WDR93: variants seen among roughly 807,000 people sequenced by gnomAD.
WDR93 encodes WD repeat domain 93, also known as WD repeat-containing protein 93.
WDR93 carries 73 observed loss-of-function variants against 82.9 expected under a neutral mutation model. That is an observed-to-expected ratio of 0.88 (90% confidence interval 0.73 to 1.07). WDR93 has a LOEUF of 1.07. Among genes scored for constraint, WDR93 ranks in the 50% least tolerant of loss-of-function variants. The pLI is 0.00. For synonymous variants in WDR93, 283 were observed against 300.1 expected (o/e 0.94, Z 0.59); for missense variants, 738 against 826.0 (o/e 0.89, Z 1.31).
intron 12 of WDR93, among the ~76,000 whole-genome samples, chr15:89,732,050 G>A (rs1966865434): frequency 6.6e-6 from 1 of 152,188 alleles, no homozygotes; most frequent in Non-Finnish European, 1.5e-5. Flanking sequence ...TGGGTGGGTG[G>A]CACTGTGGTT....
intron 7 of WDR93, among the ~76,000 whole-genome samples, chr15:89,719,789 T>C (rs901265070): frequency 6.6e-6 from 1 of 151,950 alleles, no homozygotes; most frequent in African/African-American, 2.4e-5. Flanking sequence ...ATTTCTTTCT[T>C]TCTTTTTCTT....
intron 5 of WDR93, among the ~76,000 whole-genome samples, 182 bp downstream of exon 5, chr15:89,712,286 A>G (rs975512492): frequency 6.6e-6 from 1 of 151,880 alleles, no homozygotes; most frequent in East Asian, 1.9e-4. Context: ...AATGTTCAAC[A>G]TGGCCACACC....
At chr15:89,731,598 T>A (rs1309682994) in intron 12 of WDR93, 36 bp downstream of exon 12, 2 of 1,612,672 alleles carry the variant, frequency 1.2e-6, no homozygotes, top group Admixed American at 1.7e-5. Flanking sequence ...AGTACCTGGG[T>A]GGGACTCTGG....
intron 1 of WDR93, among the ~76,000 whole-genome samples, chr15:89,700,541 A>T (rs914257840): frequency 6.9e-6 from 1 of 143,978 alleles, no homozygotes; most frequent in African/African-American, 2.6e-5. Flanking sequence ...CCTTTTTATA[A>T]TGTACACAAT....
At chr15:89,691,870 A>T (rs1964906119) in intron 1 of WDR93, among the ~76,000 whole-genome samples, 1 of 152,216 alleles carries the variant, frequency 6.6e-6, no homozygotes, top group African/African-American at 2.4e-5. Flanking sequence ...TAAATCAAGC[A>T]ACAAATTGTA....
At position 89,701,875 on chromosome 15, in the gene WDR93, C is replaced by T. The variant is rs376601121; in HGVS notation, c.129C>T (p.Leu43=). 1.6e-5 allele frequency: 26 copies of T among 1,614,102 alleles called. No homozygotes were observed. Among genetic ancestry groups the T allele is most frequent in the Middle Eastern group, 1.6e-4 (1 of 6,084 alleles). ...AAGACGATGAACAGGATCATGTCCT[C>T]GTGGATCCAGATGAGGAGCTGGATT... The part of the protein sequence containing the change: ...WPKDDEQDHV[L]VDPDEELDSL... Residue 43 remains leucine, a synonymous_variant, in exon 2 of 17, where the codon CTC becomes CTT. Coordinates refer to ENST00000268130, the MANE Select transcript of WDR93 (RefSeq NM_020212.2).
chr15:89,734,925 C>G (rs1345219334), intron 13 of WDR93, among the ~76,000 whole-genome samples: 1 of 152,230 alleles, frequency 6.6e-6, no homozygotes, highest in African/African-American at 2.4e-5. Context: ...AGGAAACTTA[C>G]AAAGCAAACC....
intron 14 of WDR93, among the ~76,000 whole-genome samples, chr15:89,736,652 CAAG>C (rs1038875792): frequency 2.6e-5 from 4 of 152,022 alleles, no homozygotes; most frequent in African/African-American, 9.7e-5. Flanking sequence ...GCAGAAAAAC[CAAG>C]AACATGGTGG....
intron 1 of WDR93, among the ~76,000 whole-genome samples, chr15:89,691,563 C>G (rs1567089322): frequency 1.3e-5 from 2 of 151,900 alleles, no homozygotes; most frequent in Non-Finnish European, 2.9e-5. Context: ...ACTAAAAATA[C>G]AAAAAAAGTA....
In WDR93 at chr15:89,694,527, A is replaced by G. The variant is rs143736699; in HGVS notation, c.-41+3670A>G. The stretch of plus-strand genomic sequence containing the variant: ...TGGGATTACAGGCGTGAGCCACTGC[A>G]CCCGGCCGGGTTACTTCTTTTATTA... On this transcript the variant is annotated intron_variant, in intron 1 of 16. Transcript: ENST00000268130. Among the ~76,000 whole-genome samples the G allele has an allele frequency of 2.5e-3, 375 of 151,934 alleles. 6 individuals are homozygous for G. Among genetic ancestry groups the G allele is most frequent in the African/African-American group, 7.7e-3 (319 of 41,448 alleles).
rs760170946 is a variant in WDR93, at chr15:89,722,093, T to C, written c.834T>C (p.Ser278=). The C allele has an allele frequency of 3.3e-5, 53 of 1,609,466 alleles. No homozygotes were observed. The highest frequency in any genetic ancestry group is 4.1e-5 in the Non-Finnish European group (48 of 1,178,626). The change falls in exon 8 of 17, where the codon AGT becomes AGC. Residue 278 remains serine, a synonymous_variant. Transcript: ENST00000268130. ...NVSFKGDIKL[S]LPVYIMKIKP... ...GTTTTAAAGGAGACATTAAATTGAG[T>C]CTTCCAGTTTACATAATGAAGATCA...
At position 89,731,582 on chromosome 15, in the gene WDR93, C is replaced by T. The variant is rs1479214636; in HGVS notation, c.1330+20C>T. On this transcript the variant is annotated intron_variant, in intron 12 of 16. Coordinates refer to ENST00000268130, the MANE Select transcript of WDR93 (RefSeq NM_020212.2). ...CCAAAGGTAAGTCCTCCCTGCCTCT[C>T]TACCTAGTACCTGGGTGGGACTCTG... 1 of 1,613,582 alleles carries T rather than the reference C, an allele frequency of 6.2e-7. No individual in the cohort carries two copies. Among genetic ancestry groups the T allele is most frequent in the African/African-American group, 1.3e-5 (1 of 74,928 alleles).
At chr15:89,718,257 C>G (rs1445537613) in intron 7 of WDR93, among the ~76,000 whole-genome samples, 7 of 148,930 alleles carry the variant, frequency 4.7e-5, no homozygotes, top group African/African-American at 1.5e-4. Context: ...AGGTGGATCA[C>G]GAGGTCAGGA....
intron 4 of WDR93, among the ~76,000 whole-genome samples, chr15:89,711,028 G>T (rs1965950944): frequency 6.6e-6 from 1 of 152,164 alleles, no homozygotes. Flanking sequence ...TGGCTGATGG[G>T]GAAGTTTGTA....
chr15:89,701,939 A>G lies in WDR93; in HGVS notation c.193A>G (p.Asn65Asp), dbSNP rs748398112. The change falls in exon 2 of 17, where the codon AAC becomes GAC. Residue 65 changes from asparagine (N) to aspartate (D), a missense_variant. By Grantham distance (23) the Asn-to-Asp change is conservative. Transcript: ENST00000268130. ...TTATCGAATGATCAACAAGCTGGTG[A>G]ACCTTCTGTTTGACCAGTCTTGGGA... ...QPYRMINKLV[N>D]LLFDQSWEII... The G allele has an allele frequency of 1.2e-6, 2 of 1,614,060 alleles. No individual in the cohort carries two copies. The highest frequency in any genetic ancestry group is 1.7e-5 in the Admixed American group (1 of 60,006).
At chr15:89,694,678 C>T (rs2141575118) in intron 1 of WDR93, among the ~76,000 whole-genome samples, 1 of 152,316 alleles carries the variant, frequency 6.6e-6, no homozygotes, top group Middle Eastern at 3.4e-3. Flanking sequence ...TTTGAAGAAA[C>T]ACAAGTTTAT....
Position 89,718,331 on chromosome 15 carries a change from G to A in WDR93, c.795+1382G>A, listed in dbSNP as rs934755822. ...TCTACTAAAAATACAAAAATTAGCC[G>A]GATGTGGTGGCGTGTGCCTGTAATC... On this transcript the variant is annotated intron_variant, in intron 7 of 16. Coordinates refer to ENST00000268130, the MANE Select transcript of WDR93 (RefSeq NM_020212.2). Among the ~76,000 whole-genome samples, 16 of 152,240 alleles carry A rather than the reference G, an allele frequency of 1.1e-4. No homozygotes were observed. The East Asian group carries it at 2.3e-3, about 22-fold the overall frequency.
intron 9 of WDR93, 100 bp downstream of exon 9, chr15:89,727,428 T>C (rs7176252): frequency 0.43 from 575,273 of 1,330,904 alleles, 127,344 homozygotes; most frequent in African/African-American, 0.49. Flanking sequence ...AATCTGAGAT[T>C]TAAAAGCTCT....
Position 89,735,557 on chromosome 15 carries a change from G to C in WDR93, c.1608+4G>C, listed in dbSNP as rs773471243. The C allele has an allele frequency of 2.5e-6, 4 of 1,613,586 alleles. No individual in the cohort carries two copies. Among genetic ancestry groups the C allele is most frequent in the Admixed American group, 1.7e-5 (1 of 60,026 alleles). ...AGTCCCAGCCTTACCTGGCATGGTA[G>C]GTTCCCCATGCCTCTCTGTAAATGC... On this transcript the variant is annotated splice_donor_region_variant and intron_variant, in intron 14 of 16. Transcript: ENST00000268130.
Sources: gnomAD v4.1 joint callset for allele counts (sites outside exome capture counted in the v4.1 genomes callset) on GRCh38, gnomAD v4.1.1 for gene constraint, MANE v1.5 for transcripts, NCBI Gene and HGNC (gene_info 2026-07-23, HGNC 2026-07-21) for gene names.